The following CALN1 variants were observed in gnomAD, a reference collection of about 807,000 sequenced individuals.
The protein encoded by CALN1 is calneuron 1, also known as calcium-binding protein 8.
A neutral mutation model predicts 30.6 loss-of-function variants in CALN1; 17 were observed. The ratio of observed to expected loss-of-function variants is 0.56; its 90% CI spans 0.38 to 0.83. The LOEUF (loss-of-function observed/expected upper bound fraction) is 0.83, where lower values mean the gene tolerates loss of function less well. Among genes scored for constraint, CALN1 ranks in the 40% least tolerant of loss-of-function variants. CALN1 has a pLI of 0.00. For synonymous variants in CALN1, 156 were observed against 131.4 expected, an observed-to-expected ratio of 1.19 and a Z score of -1.28; for missense variants, 291 against 354.9, an observed-to-expected ratio of 0.82 and a Z score of 1.45.
chr7:72,234,514 T>A (rs1794345651), intron 3 of CALN1, among the ~76,000 whole-genome samples: 2 of 152,172 alleles, frequency 1.3e-5, no homozygotes, highest in Non-Finnish European at 2.9e-5. Context: ...TGGCGCGATC[T>A]CGGCTCACTG....
At chr7:72,312,868 T>G (rs1325209400) in intron 2 of CALN1, among the ~76,000 whole-genome samples, 1 of 152,118 alleles carries the variant, frequency 6.6e-6, no homozygotes, top group East Asian at 1.9e-4. Flanking sequence ...ACAGTCTCAT[T>G]CTGTCGCCCA....
intron 4 of CALN1, among the ~76,000 whole-genome samples, chr7:72,082,090 G>A (rs891121581): frequency 7.9e-5 from 12 of 152,092 alleles, no homozygotes; most frequent in African/African-American, 2.4e-4. Context: ...GGGTTCAAGC[G>A]ATTCTCCAGC....
chr7:72,053,964 T>G (rs148267628), intron 4 of CALN1, among the ~76,000 whole-genome samples: 11,459 of 152,174 alleles, frequency 0.075, 1,392 homozygotes, highest in African/African-American at 0.26. Flanking sequence ...CAAATGCTGT[T>G]AATTCATTCC....
intron 3 of CALN1, among the ~76,000 whole-genome samples, chr7:72,138,427 C>A (rs113996259): frequency 0.019 from 2,921 of 152,222 alleles, 97 homozygotes; most frequent in African/African-American, 0.067. Context: ...TTTCCCGACG[C>A]CATCTGAAGC....
chr7:72,006,668 G>A (rs1013823517), intron 5 of CALN1, among the ~76,000 whole-genome samples: 2 of 151,808 alleles, frequency 1.3e-5, no homozygotes, highest in African/African-American at 4.8e-5. Context: ...TAGAAAAGGA[G>A]GATTCAAGAA....
chr7:71,963,311 C>T (rs10238357), intron 5 of CALN1, among the ~76,000 whole-genome samples: 38,786 of 151,790 alleles, frequency 0.26, 5,147 homozygotes, highest in South Asian at 0.38. Context: ...TACAGGTGCA[C>T]GCCACCACGC....
At chr7:72,032,675 A>C (rs947356597) in intron 4 of CALN1, among the ~76,000 whole-genome samples, 3 of 152,212 alleles carry the variant, frequency 2.0e-5, no homozygotes, top group African/African-American at 7.2e-5. Flanking sequence ...AGCTATCAGG[A>C]GCTTTAATGC....
chr7:71,950,601 A>C (rs1796640315), intron 5 of CALN1, among the ~76,000 whole-genome samples: 2 of 152,106 alleles, frequency 1.3e-5, no homozygotes, highest in Non-Finnish European at 2.9e-5. Flanking sequence ...AGAGTAGTCA[A>C]GTCCTTCTTT....
chr7:71,953,635 AGT>A (rs1343919021), intron 5 of CALN1, among the ~76,000 whole-genome samples: 2 of 152,122 alleles, frequency 1.3e-5, no homozygotes, highest in African/African-American at 4.8e-5. Context: ...TGTGTGTAAA[AGT>A]GTTTTGAATA....
intron 5 of CALN1, among the ~76,000 whole-genome samples, chr7:71,902,267 ATC>A (rs1793898623): frequency 5.6e-5 from 4 of 71,418 alleles, no homozygotes; most frequent in Non-Finnish European, 8.5e-5. Flanking sequence ...CAACCAACCA[ATC>A]AAAAAAAAAA....
chr7:72,106,048 C>A, intron 4 of CALN1, 103 bp downstream of exon 4: 1 of 1,430,928 alleles, frequency 7.0e-7, no homozygotes, highest in Non-Finnish European at 9.4e-7. Flanking sequence ...CAAATGTAAA[C>A]CAAGTCTCTG....
intron 5 of CALN1, among the ~76,000 whole-genome samples, chr7:71,952,295 A>C (rs1257476987): frequency 6.6e-6 from 1 of 152,090 alleles, no homozygotes; most frequent in Non-Finnish European, 1.5e-5. Context: ...TGACGCCTCA[A>C]CAGCGGCTCA....
chr7:71,879,191 A>C (rs1251850043), intron 5 of CALN1, among the ~76,000 whole-genome samples: 2 of 152,178 alleles, frequency 1.3e-5, no homozygotes, highest in Admixed American at 1.3e-4. Flanking sequence ...GTTACATAAG[A>C]CCATAAAATA....
At chr7:72,381,506 T>C (rs775585793) in intron 2 of CALN1, among the ~76,000 whole-genome samples, 2 of 152,058 alleles carry the variant, frequency 1.3e-5, no homozygotes, top group Admixed American at 6.6e-5. Flanking sequence ...TATGCAGCCA[T>C]AAAAAAGAAT....
At chr7:71,832,176 CT>C (rs1789329412) in intron 5 of CALN1, among the ~76,000 whole-genome samples, 1 of 152,054 alleles carries the variant, frequency 6.6e-6, no homozygotes. Context: ...GTCATGTAGG[CT>C]TTTAGGCTTC....
intron 2 of CALN1, among the ~76,000 whole-genome samples, chr7:72,345,996 G>A (rs1406147715): frequency 1.3e-5 from 2 of 152,032 alleles, no homozygotes; most frequent in Non-Finnish European, 2.9e-5. Flanking sequence ...TCAAACATAG[G>A]AAATTCAGAT....
At chr7:72,109,025 T>C (rs79684257) in intron 3 of CALN1, among the ~76,000 whole-genome samples, 1,567 of 152,302 alleles carry the variant, frequency 0.01, 26 homozygotes, top group African/African-American at 0.036. Flanking sequence ...AATACTACCA[T>C]TGGCTTCTTT....
At chr7:72,161,587 G>C (rs576377834) in intron 3 of CALN1, among the ~76,000 whole-genome samples, 1 of 152,320 alleles carries the variant, frequency 6.6e-6, no homozygotes, top group Admixed American at 6.5e-5. Context: ...GGAGGAAACA[G>C]ACCCTAAAAT....
chr7:71,966,841 C>G (rs1008659930), intron 5 of CALN1, among the ~76,000 whole-genome samples: 1 of 152,176 alleles, frequency 6.6e-6, no homozygotes, highest in Non-Finnish European at 1.5e-5. Flanking sequence ...AAATTTAAAG[C>G]TAGATTAATT....
Sources: gnomAD v4.1 joint callset for allele counts (sites outside exome capture counted in the v4.1 genomes callset) on GRCh38, gnomAD v4.1.1 for gene constraint, MANE v1.5 for transcripts, NCBI Gene and HGNC (gene_info 2026-07-23, HGNC 2026-07-21) for gene names.